The following LRRC3B variants were observed in gnomAD, a reference collection of about 807,000 sequenced individuals.
The protein encoded by LRRC3B is leucine rich repeat containing 3B.
In LRRC3B, 2 loss-of-function variants were observed where a neutral mutation model predicts 12.8. The ratio of observed to expected loss-of-function variants is 0.16; its 90% CI spans 0.06 to 0.49. LRRC3B has a LOEUF of 0.49. Ranked by LOEUF, LRRC3B falls within the 20% of genes least tolerant of loss-of-function variation. The pLI is 0.96. For missense variants in LRRC3B, 189 were observed against 319.4 expected, an observed-to-expected ratio of 0.59 and a Z score of 3.11; for synonymous variants, 132 against 122.0, an observed-to-expected ratio of 1.08 and a Z score of -0.54.
intron 1 of LRRC3B, among the ~76,000 whole-genome samples, chr3:26,685,992 G>A (rs1268379850): frequency 1.3e-5 from 2 of 152,072 alleles, no homozygotes; most frequent in Non-Finnish European, 2.9e-5. Context: ...GTTAAAAAAA[G>A]TTACTTGTTC....
At chr3:26,647,777 G>T (rs185678728) in intron 1 of LRRC3B, among the ~76,000 whole-genome samples, 1 of 152,208 alleles carries the variant, frequency 6.6e-6, no homozygotes, top group Non-Finnish European at 1.5e-5. Context: ...ACTAGGCAAA[G>T]AATTTGCAGG....
chr3:26,665,985 A>G (rs931723496), intron 1 of LRRC3B, among the ~76,000 whole-genome samples: 1 of 152,224 alleles, frequency 6.6e-6, no homozygotes, highest in Admixed American at 6.5e-5. Flanking sequence ...GGATTATGAA[A>G]TAGTCCTTTG....
chr3:26,660,543 G>A (rs1444429534), intron 1 of LRRC3B, among the ~76,000 whole-genome samples: 1 of 152,136 alleles, frequency 6.6e-6, no homozygotes. Flanking sequence ...CTTCAACTGT[G>A]GCTTCTAAGA....
chr3:26,665,685 G>A (rs183162827), intron 1 of LRRC3B, among the ~76,000 whole-genome samples: 1 of 152,108 alleles, frequency 6.6e-6, no homozygotes, highest in African/African-American at 2.4e-5. Flanking sequence ...GATTTACCAG[G>A]CATTATTTGA....
At chr3:26,630,709 C>CT (rs200023827) in intron 1 of LRRC3B, among the ~76,000 whole-genome samples, 1 of 151,984 alleles carries the variant, frequency 6.6e-6, no homozygotes, top group Non-Finnish European at 1.5e-5. Flanking sequence ...AAAGTTGCGA[C>CT]TTTTTTTTCC....
At chr3:26,658,534 A>G (rs1007287847) in intron 1 of LRRC3B, among the ~76,000 whole-genome samples, 1 of 152,196 alleles carries the variant, frequency 6.6e-6, no homozygotes, top group African/African-American at 2.4e-5. Flanking sequence ...TTTTCCAGGG[A>G]TGCTACTGGT....
At chr3:26,679,213 A>C (rs1280200357) in intron 1 of LRRC3B, among the ~76,000 whole-genome samples, 1 of 152,234 alleles carries the variant, frequency 6.6e-6, no homozygotes, top group Non-Finnish European at 1.5e-5. Flanking sequence ...GATAGCAGGT[A>C]GTCTTGGTGT....
chr3:26,708,934 A>G lies in LRRC3B; in HGVS notation c.-160-579A>G, dbSNP rs569733528. The stretch of plus-strand genomic sequence containing the variant: ...CTTTAAAGAGGTCACAAGGAAGGCA[A>G]CTATCCTGGAGGTTCTTGGTTGTCA... On this transcript the variant is annotated intron_variant, in intron 1 of 1. Transcript: ENST00000396641. Among the ~76,000 whole-genome samples, 7 of 152,322 alleles carry G rather than the reference A, an allele frequency of 4.6e-5. No individual in the cohort carries two copies. In the South Asian group the frequency reaches 1.5e-3, roughly 32 times the overall value.
chr3:26,662,914 G>A (rs1699522970), intron 1 of LRRC3B, among the ~76,000 whole-genome samples: 1 of 152,098 alleles, frequency 6.6e-6, no homozygotes, highest in Non-Finnish European at 1.5e-5. Context: ...GAAGTCAAAT[G>A]GAGGATGAGG....
chr3:26,625,279 C>G (rs1016356691), intron 1 of LRRC3B: 1 of 152,332 alleles, frequency 6.6e-6, no homozygotes, highest in African/African-American at 2.4e-5. Flanking sequence ...GAGGAAACGT[C>G]GACTCGCCAG....
exon 2 of LRRC3B, chr3:26,710,047 T>C (rs113754945): frequency 6.2e-7 from 1 of 1,614,104 alleles, no homozygotes; most frequent in East Asian, 2.2e-5. Flanking sequence ...ACAATCGGAT[T>C]CAAAGTGTGC....
chr3:26,671,413 G>GAGAGAGGGAGAC (rs9331540), intron 1 of LRRC3B, among the ~76,000 whole-genome samples: 1 of 99,388 alleles, frequency 1.0e-5, no homozygotes, highest in South Asian at 3.3e-4. Flanking sequence ...GAGAGAGAGA[G>GAGAGAGGGAGAC]ACGAAGTCTT....
chr3:26,709,459 C>T (rs1700693906), intron 1 of LRRC3B, 54 bp from the exon 2 acceptor site: 2 of 581,368 alleles, frequency 3.4e-6, no homozygotes, highest in Non-Finnish European at 3.0e-6. Flanking sequence ...CCTTTCATTA[C>T]AATGTACCTC....
chr3:26,675,863 CAT>C (rs1242383366), intron 1 of LRRC3B, among the ~76,000 whole-genome samples: 1 of 151,936 alleles, frequency 6.6e-6, no homozygotes, highest in African/African-American at 2.4e-5. Flanking sequence ...TATGATGAAA[CAT>C]ACAATTTTTT....
rs1699402284 is a variant in LRRC3B, at chr3:26,657,657, C to T, written c.-161+34420C>T. Among the ~76,000 whole-genome samples the T allele has an allele frequency of 2.6e-5, 4 of 152,032 alleles. No individual in the cohort carries two copies. In the South Asian group the frequency reaches 8.3e-4, roughly 31 times the overall value. On this transcript the variant is annotated intron_variant, in intron 1 of 1. Coordinates refer to ENST00000396641, the Ensembl canonical transcript of LRRC3B. ...TAGAGTGATTGATTATTTTCCTTTT[C>T]CTCTTTTTTTTTTCTTGTTGAAGTC...
chr3:26,637,783 T>A (rs1289981394), intron 1 of LRRC3B, among the ~76,000 whole-genome samples: 1 of 152,200 alleles, frequency 6.6e-6, no homozygotes, highest in Non-Finnish European at 1.5e-5. Context: ...TAACACAAAG[T>A]ACACTGAATC....
intron 1 of LRRC3B, among the ~76,000 whole-genome samples, chr3:26,632,542 C>T (rs948578523): frequency 2.0e-5 from 3 of 151,988 alleles, no homozygotes; most frequent in Admixed American, 6.5e-5. Flanking sequence ...GGTGGATCCC[C>T]GAGCCGTTAC....
exon 2 of LRRC3B, chr3:26,710,305 TGGCTGGTTCACTATG>T: frequency 6.2e-7 from 1 of 1,614,078 alleles, no homozygotes; most frequent in Non-Finnish European, 8.5e-7. Context: ...TCACCATGTT[TGGCTGGTTCACTATG>T]GTGATCTCAT....
At chr3:26,699,679 T>C (rs997384851) in intron 1 of LRRC3B, among the ~76,000 whole-genome samples, 3 of 152,194 alleles carry the variant, frequency 2.0e-5, no homozygotes, top group Non-Finnish European at 4.4e-5. Context: ...CAAGTTATCC[T>C]GGACTCTGGT....
Sources: gnomAD v4.1 joint callset for allele counts (sites outside exome capture counted in the v4.1 genomes callset) on GRCh38, gnomAD v4.1.1 for gene constraint, MANE v1.5 for transcripts, NCBI Gene and HGNC (gene_info 2026-07-23, HGNC 2026-07-21) for gene names.